Variants in PDGFRA observed in about 807,000 individuals in gnomAD.
The protein encoded by PDGFRA is platelet-derived growth factor receptor alpha.
Under a neutral mutation model 121.5 loss-of-function variants are expected in PDGFRA, and 25 were observed. The ratio of observed to expected loss-of-function variants is 0.21; its 90% CI spans 0.15 to 0.29. The LOEUF is 0.29. Among genes scored for constraint, PDGFRA ranks in the 10% least tolerant of loss-of-function variants. The pLI, the probability that PDGFRA is intolerant of heterozygous loss-of-function variation, is 1.00. For synonymous variants in PDGFRA, 463 were observed against 494.8 expected, an observed-to-expected ratio of 0.94 and a Z score of 0.85; for missense variants, 1,008 against 1,345.1, an observed-to-expected ratio of 0.75 and a Z score of 3.92.
chr4:54,259,522 A>G (rs1403913335), intron 2 of PDGFRA, among the ~76,000 whole-genome samples: 2 of 152,178 alleles, frequency 1.3e-5, no homozygotes, highest in African/African-American at 4.8e-5. Flanking sequence ...CATTGGGGTA[A>G]TTTGTTGAAG....
intron 1 of PDGFRA, among the ~76,000 whole-genome samples, chr4:54,256,783 C>T (rs1722399179): frequency 6.6e-6 from 1 of 151,868 alleles, no homozygotes; most frequent in South Asian, 2.1e-4. Context: ...GAGGCCAAGG[C>T]AGGAGGATTG....
At chr4:54,262,104 A>G (rs748319984) in intron 3 of PDGFRA, among the ~76,000 whole-genome samples, 11 of 151,512 alleles carry the variant, frequency 7.3e-5, no homozygotes, top group African/African-American at 1.2e-4. Flanking sequence ...GCTAATTTTT[A>G]TATTAGTTGA....
In PDGFRA at chr4:54,290,814, A is replaced by C. The variant is rs1228246737; in HGVS notation, c.3122+260A>C. On this transcript the variant is annotated intron_variant, in intron 22 of 22. Coordinates refer to ENST00000257290, the MANE Select transcript of PDGFRA (RefSeq NM_006206.6). ...TCCCTGGTGGAGAATCTTTGAGCTA[A>C]ATTCTCAGGTAATTTGATCAAATTG... Among the ~76,000 whole-genome samples, 4 of 152,138 alleles carry C rather than the reference A, an allele frequency of 2.6e-5. No individual in the cohort carries two copies. In the East Asian group the frequency reaches 7.7e-4, roughly 29 times the overall value.
intron 3 of PDGFRA, 54 bp from the exon 4 acceptor site, chr4:54,263,613 G>A: frequency 1.9e-6 from 3 of 1,559,408 alleles, no homozygotes; most frequent in South Asian, 2.2e-5. Flanking sequence ...CTGGATTTAT[G>A]TGTAAAGGTG....
Position 54,280,345 on chromosome 4 carries a change from G to A in PDGFRA, c.2186G>A (p.Gly729Asp), listed in dbSNP as rs1458825658. ...GTTATTTTATCTTTTGAAAACAATG[G>A]TGACTACATGGACATGAAGCAGGCT... ...SYVILSFENN[G>D]DYMDMKQADT... The change falls in exon 16 of 23, where the codon GGT becomes GAT. Residue 729 changes from glycine to aspartate, a missense_variant. Transcript: ENST00000257290. 3 of 1,613,704 alleles carry A rather than the reference G, an allele frequency of 1.9e-6. No homozygotes were observed. Among genetic ancestry groups the A allele is most frequent in the South Asian group, 2.2e-5 (2 of 91,066 alleles).
chr4:54,255,542 G>A (rs1327221723), intron 1 of PDGFRA, among the ~76,000 whole-genome samples: 4 of 141,274 alleles, frequency 2.8e-5, no homozygotes, highest in Admixed American at 7.4e-5. Context: ...GTCTTGCTCT[G>A]TCACCCAGGC....
intron 1 of PDGFRA, among the ~76,000 whole-genome samples, chr4:54,233,596 C>T (rs1030314674): frequency 5.3e-5 from 8 of 152,358 alleles, no homozygotes; most frequent in African/African-American, 1.9e-4. Flanking sequence ...CACCTTTCCC[C>T]TCCTCCGGGC....
At chr4:54,278,104 A>G (rs572429494) in intron 14 of PDGFRA, 98 bp downstream of exon 14, 8 of 794,884 alleles carry the variant, frequency 1.0e-5, no homozygotes, top group Non-Finnish European at 1.8e-5. Flanking sequence ...ATCCCCACAC[A>G]TGGCAGGGAA....
rs34529347 is a variant in PDGFRA at position 54,296,367 on chromosome 4, GTTTT to G, written c.*1108_*1111del. On this transcript the variant is annotated 3_prime_UTR_variant, in exon 23 of 23. Transcript: ENST00000257290. ...CAGCAAAAAGACTGGATTTGCAGAA[GTTTT>G]TTTTTTTTTTTTCTTCATGCCTGAT... 143 of 211,380 alleles carry G rather than the reference GTTTT, an allele frequency of 6.8e-4. No individual in the cohort carries two copies. Among genetic ancestry groups the G allele is most frequent in the Middle Eastern group, 1.5e-3 (1 of 676 alleles). 13.1% of individuals were successfully genotyped at this position (211,380 alleles called of 1,614,324 possible).
chr4:54,277,230 A>G (rs1313618980), intron 12 of PDGFRA, 158 bp from the exon 13 acceptor site: 2 of 696,606 alleles, frequency 2.9e-6, no homozygotes, highest in Non-Finnish European at 2.7e-6. Flanking sequence ...TGTGGGCTCA[A>G]TTCCTTTTTT....
intron 3 of PDGFRA, among the ~76,000 whole-genome samples, chr4:54,262,833 C>T (rs1482017207): frequency 6.6e-6 from 1 of 152,174 alleles, no homozygotes; most frequent in Non-Finnish European, 1.5e-5. Flanking sequence ...GTGTTAAAGG[C>T]ACACGAGTCC....
chr4:54,272,486 G>T lies in PDGFRA; in HGVS notation c.1330G>T (p.Asp444Tyr), dbSNP rs745702167. The T allele has an allele frequency of 6.2e-7, 1 of 1,614,076 alleles. No homozygotes were observed. Among genetic ancestry groups the T allele is most frequent in the Non-Finnish European group, 8.5e-7 (1 of 1,179,980 alleles). Residue 444 changes from aspartate (D) to tyrosine (Y), a missense_variant, in exon 9 of 23, where the codon GAT becomes TAT. Physicochemically the swap from Asp to Tyr is radical, Grantham distance 160. Coordinates refer to ENST00000257290, the MANE Select transcript of PDGFRA (RefSeq NM_006206.6). ...CACAGCTGAAGGCACGCCGCTTCCT[G>T]ATATTGAGTGGATGATATGCAAAGA... Reference protein sequence around the residue: ...RCTAEGTPLPDIEWMICKDIK... With the variant: ...RCTAEGTPLPYIEWMICKDIK...
At chr4:54,232,551 T>A (rs1353940742) in intron 1 of PDGFRA, among the ~76,000 whole-genome samples, 1 of 152,182 alleles carries the variant, frequency 6.6e-6, no homozygotes, top group Non-Finnish European at 1.5e-5. Context: ...CAGAGGCGGC[T>A]ATGGCGCGTG....
At chr4:54,293,192 G>T (rs1425553065) in intron 22 of PDGFRA, among the ~76,000 whole-genome samples, 3 of 152,132 alleles carry the variant, frequency 2.0e-5, no homozygotes, top group Non-Finnish European at 4.4e-5. Context: ...TGCCTGTGGA[G>T]TTCCCACAAT....
rs554043837 is a variant in PDGFRA, at chr4:54,241,881, A to C, written c.-13+12466A>C. The stretch of plus-strand genomic sequence containing the variant: ...AAATTTATATATAATACTCTATCTA[A>C]ATTTTGGTGCCCTATGTTAAAACAA... On this transcript the variant is annotated intron_variant, in intron 1 of 22. Transcript: ENST00000257290. 7.2e-5 allele frequency among the ~76,000 whole-genome samples: 11 copies of C among 152,250 alleles called. No individual in the cohort carries two copies. In the East Asian group the frequency reaches 1.7e-3, roughly 24 times the overall value.
intron 17 of PDGFRA, 73 bp from the exon 18 acceptor site, chr4:54,285,761 GGATCAGC>G: frequency 6.7e-7 from 1 of 1,484,596 alleles, no homozygotes; most frequent in East Asian, 2.3e-5. Flanking sequence ...GTGCCACCAT[GGATCAGC>G]CAGTCTTGCA....
chr4:54,297,615 C>G lies in PDGFRA; in HGVS notation c.*2343C>G. On this transcript the variant is annotated 3_prime_UTR_variant, in exon 23 of 23. Transcript: ENST00000257290. ...CTTCTCAGTCCAGCAGTTTCCAGTC[C>G]TAACAAATGCTCCCACCTGAATTTG... 1 of 233,646 alleles carries G rather than the reference C, an allele frequency of 4.3e-6. No individual in the cohort carries two copies. Among genetic ancestry groups the G allele is most frequent in the Non-Finnish European group, 8.5e-6 (1 of 118,048 alleles). 14.5% of individuals were successfully genotyped at this position (233,646 alleles called of 1,614,324 possible). A position where few individuals can be genotyped will look rare whatever the true frequency, so the allele number is the denominator to read the frequency against.
intron 1 of PDGFRA, among the ~76,000 whole-genome samples, chr4:54,233,442 G>A (rs1197860894): frequency 6.6e-6 from 1 of 152,252 alleles, no homozygotes; most frequent in East Asian, 1.9e-4. Flanking sequence ...CTGGCGAGCC[G>A]GGTAAGATTC....
chr4:54,272,520 A>T lies in PDGFRA; in HGVS notation c.1364A>T (p.Lys455Ile), dbSNP rs1553904049. The T allele has an allele frequency of 1.2e-6, 2 of 1,613,802 alleles. No homozygotes were observed. Among genetic ancestry groups the T allele is most frequent in the Non-Finnish European group, 8.5e-7 (1 of 1,179,964 alleles). The part of the protein sequence containing the change: ...IEWMICKDIK[K>I]CNNETSWTIL... The stretch of plus-strand genomic sequence containing the variant: ...TGGATGATATGCAAAGATATTAAGA[A>T]GTATGGAAAACAGATGTGTCTTCTT... The change falls in exon 9 of 23, where the codon AAA (lysine) becomes ATA (isoleucine). Residue 455 changes from lysine (K) to isoleucine (I), a missense_variant and splice_region_variant. Lys to Ile is a moderately radical substitution (Grantham distance 102). This residue lies in a region of PDGFRA where 575 missense variants were observed against 701.8 expected (regional missense o/e 0.82). Transcript: ENST00000257290.
Sources: gnomAD v4.1 joint callset for allele counts (sites outside exome capture counted in the v4.1 genomes callset) on GRCh38, gnomAD v4.1.1 for gene constraint, gnomAD v4.1.1 regional missense constraint, MANE v1.5 for transcripts, NCBI Gene and HGNC (gene_info 2026-07-23, HGNC 2026-07-21) for gene names.